The following ASB3 variants were observed in gnomAD, a reference collection of about 807,000 sequenced individuals.
ASB3 encodes ankyrin repeat and SOCS box protein 3.
Under a neutral mutation model 54.5 loss-of-function variants are expected in ASB3, and 41 were observed. That is an observed-to-expected ratio of 0.75 (90% confidence interval 0.59 to 0.98). ASB3 has a LOEUF of 0.98. ASB3 is among the 50% of genes least tolerant of loss of function. The probability of loss-of-function intolerance (pLI) is 0.00; values close to 1 mark genes in which losing one functional copy is unlikely to be tolerated. For missense variants in ASB3, 733 were observed against 620.0 expected (o/e 1.18, Z -1.94); for synonymous variants, 266 against 221.2 (o/e 1.20, Z -1.80).
At chr2:53,716,038 C>T (rs1670369519) in intron 6 of ASB3, among the ~76,000 whole-genome samples, 1 of 152,146 alleles carries the variant, frequency 6.6e-6, no homozygotes, top group Non-Finnish European at 1.5e-5. Context: ...GCCATATTCT[C>T]ACAGGTATAA....
intron 5 of ASB3, among the ~76,000 whole-genome samples, chr2:53,728,398 C>A (rs891664267): frequency 5.3e-5 from 8 of 152,134 alleles, no homozygotes; most frequent in Admixed American, 2.0e-4. Flanking sequence ...ACTAGTCTTA[C>A]ACCCTAGAAA....
At chr2:53,709,609 T>C (rs768314686) in intron 7 of ASB3, among the ~76,000 whole-genome samples, 1 of 152,218 alleles carries the variant, frequency 6.6e-6, no homozygotes, top group Non-Finnish European at 1.5e-5. Flanking sequence ...ATTTCCTTGA[T>C]CATTACTGAA....
chr2:53,782,695 G>A (rs948817477), intron 1 of ASB3, among the ~76,000 whole-genome samples: 2 of 152,120 alleles, frequency 1.3e-5, no homozygotes, highest in African/African-American at 2.4e-5. Context: ...TGGAAGGAGA[G>A]GAGGAAAGAG....
chr2:53,767,900 G>A, intron 1 of ASB3: 2 of 1,612,172 alleles, frequency 1.2e-6, no homozygotes, highest in South Asian at 2.2e-5. Flanking sequence ...TGGGTTTTTG[G>A]TTACGGGTCC....
At chr2:53,726,237 G>A (rs1017953829) in intron 5 of ASB3, among the ~76,000 whole-genome samples, 1 of 150,286 alleles carries the variant, frequency 6.7e-6, no homozygotes, top group African/African-American at 2.4e-5. Flanking sequence ...TTAAGGTGCA[G>A]TTTAATCTAT....
chr2:53,738,239 T>A (rs531097100), intron 3 of ASB3, among the ~76,000 whole-genome samples: 196 of 152,232 alleles, frequency 1.3e-3, no homozygotes, highest in Non-Finnish European at 1.9e-3. Flanking sequence ...AGCTGGTGTT[T>A]CTTTGCTCCT....
At chr2:53,719,785 C>T (rs1160115208) in intron 5 of ASB3, among the ~76,000 whole-genome samples, 1 of 152,154 alleles carries the variant, frequency 6.6e-6, no homozygotes, top group African/African-American at 2.4e-5. Flanking sequence ...CTTTAACTGC[C>T]AACCCATCTT....
intron 5 of ASB3, among the ~76,000 whole-genome samples, chr2:53,722,612 AT>A (rs1159585020): frequency 2.0e-5 from 3 of 152,174 alleles, no homozygotes; most frequent in African/African-American, 7.2e-5. Flanking sequence ...AAAAGCCTTC[AT>A]AAAACCCAAC....
At position 53,693,935 on chromosome 2, in the gene ASB3, T is replaced by C; in HGVS notation, c.1318A>G (p.Arg440Gly). 1 of 1,613,684 alleles carries C rather than the reference T, an allele frequency of 6.2e-7. No individual in the cohort carries two copies. The highest frequency in any genetic ancestry group is 1.1e-5 in the South Asian group (1 of 91,058). The change falls in exon 9 of 10, where the codon AGG (arginine) becomes GGG (glycine). Residue 440 changes from arginine to glycine, a missense_variant. Physicochemically the swap from Arg to Gly is moderately radical, Grantham distance 125. Coordinates refer to ENST00000263634, the MANE Select transcript of ASB3 (RefSeq NM_016115.5). Reference protein sequence around the residue: ...NWKTLAPAVERMLSARASNAW... With the variant: ...NWKTLAPAVEGMLSARASNAW... ...TTTGAGGCACGAGCAGAGAGCATCC[T>C]TTCAACAGCTGGTGCAAGTGTCTTC...
At chr2:53,676,527 A>AATTATTATTATTATTATT (rs1427513123) in intron 9 of ASB3, among the ~76,000 whole-genome samples, 1 of 152,214 alleles carries the variant, frequency 6.6e-6, no homozygotes, top group African/African-American at 2.4e-5. Context: ...GGAGCTGAAA[A>AATTATTATTATTATTATT]ATTATTATTA....
Position 53,728,390 on chromosome 2 carries a change from T to C in ASB3, c.604+322A>G, listed in dbSNP as rs551870611. ...TCTAATAAGGTAATTAAGCCTAAAC[T>C]AGTCTTACACCCTAGAAAGTTGAAA... is the stretch of plus-strand genomic sequence containing the variant. On this transcript the variant is annotated intron_variant, in intron 5 of 9. Coordinates refer to ENST00000263634, the MANE Select transcript of ASB3 (RefSeq NM_016115.5). Among the ~76,000 whole-genome samples, 25 of 152,248 alleles carry C rather than the reference T, an allele frequency of 1.6e-4. No homozygotes were observed. The Middle Eastern group carries it at 0.01, about 62-fold the overall frequency.
At chr2:53,780,466 T>A (rs1028448202) in intron 1 of ASB3, among the ~76,000 whole-genome samples, 1 of 152,106 alleles carries the variant, frequency 6.6e-6, no homozygotes, top group African/African-American at 2.4e-5. Flanking sequence ...TGTTATTTAA[T>A]ATAAAAGATG....
At chr2:53,747,335 C>G (rs1403680052) in intron 3 of ASB3, among the ~76,000 whole-genome samples, 1 of 152,190 alleles carries the variant, frequency 6.6e-6, no homozygotes, top group Non-Finnish European at 1.5e-5. Context: ...CGCCTGAGGT[C>G]AGGAGTTCCA....
At chr2:53,701,027 G>A (rs963071209) in intron 7 of ASB3, among the ~76,000 whole-genome samples, 2 of 152,066 alleles carry the variant, frequency 1.3e-5, no homozygotes, top group African/African-American at 2.4e-5. Context: ...CCAGGCTGAC[G>A]TGCAGTGGCA....
At chr2:53,719,561 T>C (rs903281043) in intron 5 of ASB3, among the ~76,000 whole-genome samples, 3 of 151,880 alleles carry the variant, frequency 2.0e-5, no homozygotes, top group Non-Finnish European at 4.4e-5. Context: ...CCCTTCCTTC[T>C]AGAAAGACGT....
chr2:53,730,495 C>A (rs1671243979), intron 3 of ASB3, among the ~76,000 whole-genome samples: 1 of 152,136 alleles, frequency 6.6e-6, no homozygotes, highest in Admixed American at 6.5e-5. Flanking sequence ...GTGAATGGTG[C>A]TGCAAGGAAC....
At chr2:53,747,731 C>G (rs1420377892) in intron 3 of ASB3, among the ~76,000 whole-genome samples, 5 of 152,136 alleles carry the variant, frequency 3.3e-5, no homozygotes, top group Non-Finnish European at 7.4e-5. Flanking sequence ...ATGGAACACT[C>G]TTTCTAGTTA....
chr2:53,694,762 A>C (rs1156349023), intron 8 of ASB3, among the ~76,000 whole-genome samples: 1 of 152,152 alleles, frequency 6.6e-6, no homozygotes, highest in East Asian at 1.9e-4. Flanking sequence ...TGAATTATTT[A>C]AACTCTCGCT....
At chr2:53,706,202 A>C (rs543229589) in intron 7 of ASB3, among the ~76,000 whole-genome samples, 2 of 152,348 alleles carry the variant, frequency 1.3e-5, no homozygotes, top group East Asian at 3.9e-4. Flanking sequence ...TCTGTGACTC[A>C]TCCAAGCCCA....
Sources: gnomAD v4.1 joint callset for allele counts (sites outside exome capture counted in the v4.1 genomes callset) on GRCh38, gnomAD v4.1.1 for gene constraint, MANE v1.5 for transcripts, NCBI Gene and HGNC (gene_info 2026-07-23, HGNC 2026-07-21) for gene names.